Variants in CDK14 observed in about 807,000 individuals in gnomAD.
The protein encoded by CDK14 is cyclin dependent kinase 14.
CDK14 carries 34 observed loss-of-function variants against 60.7 expected under a neutral mutation model. The observed-to-expected ratio is 0.56, with a 90% CI of 0.43 to 0.75. The LOEUF (loss-of-function observed/expected upper bound fraction) is 0.75, where lower values mean the gene tolerates loss of function less well. Among genes scored for constraint, CDK14 ranks in the 30% least tolerant of loss-of-function variants. CDK14 has a pLI of 0.00. For synonymous variants in CDK14, 197 were observed against 203.7 expected (o/e 0.97, Z 0.28); for missense variants, 482 against 564.1 (o/e 0.85, Z 1.47).
chr7:90,957,928 C>T lies in CDK14; in HGVS notation c.947+2111C>T, dbSNP rs1292238697. ...TAAGCCAAAAGAACAAAGCTGGAGG[C>T]ATCGCACATGGCTGTTTTATAATAG... On this transcript the variant is annotated intron_variant, in intron 9 of 14. Transcript: ENST00000380050. Among the ~76,000 whole-genome samples, 3 of 152,258 alleles carry T rather than the reference C, an allele frequency of 2.0e-5. No individual in the cohort carries two copies. In the East Asian group the frequency reaches 5.8e-4, roughly 29 times the overall value.
rs1235489882 is a variant in CDK14, at chr7:90,747,665, T to C, written c.370-16T>C. 1 of 1,488,496 alleles carries C rather than the reference T, an allele frequency of 6.7e-7. No individual in the cohort carries two copies. Among genetic ancestry groups the C allele is most frequent in the Non-Finnish European group, 9.2e-7 (1 of 1,082,904 alleles). The allele number at this position is 1,488,496 out of a possible 1,614,324, so 92.2% of individuals were successfully genotyped here. A position where few individuals can be genotyped will look rare whatever the true frequency, so the allele number is the denominator to read the frequency against. ...TTGATACAATCTGTTTTGTTTACCCTGTGCTTCATTTTTAGCCAACAAGTC... is the reference window on the plus strand; with the variant it reads ...TTGATACAATCTGTTTTGTTTACCCCGTGCTTCATTTTTAGCCAACAAGTC... On this transcript the variant is annotated splice_polypyrimidine_tract_variant and intron_variant, in intron 3 of 14. Coordinates refer to ENST00000380050, the MANE Select transcript of CDK14 (RefSeq NM_001287135.2).
chr7:90,613,685 T>G (rs538285418), intron 2 of CDK14, among the ~76,000 whole-genome samples: 1 of 151,520 alleles, frequency 6.6e-6, no homozygotes, highest in East Asian at 1.9e-4. Context: ...AGACTCTGTC[T>G]CAAAAATAAA....
intron 7 of CDK14, among the ~76,000 whole-genome samples, chr7:90,911,141 G>A (rs919516721): frequency 2.6e-5 from 4 of 152,286 alleles, no homozygotes; most frequent in Admixed American, 2.0e-4. Context: ...CAGAGGTGTT[G>A]TGAGGGTTAA....
chr7:90,951,548 G>C (rs1389302196), intron 8 of CDK14, among the ~76,000 whole-genome samples: 1 of 152,068 alleles, frequency 6.6e-6, no homozygotes, highest in African/African-American at 2.4e-5. Context: ...GATCATTTCT[G>C]AACCTTATCC....
intron 5 of CDK14, among the ~76,000 whole-genome samples, chr7:90,827,906 T>C (rs1789781925): frequency 6.6e-6 from 1 of 152,226 alleles, no homozygotes; most frequent in South Asian, 2.1e-4. Context: ...ATATGTAGTT[T>C]CTCTTAAGCA....
intron 12 of CDK14, among the ~76,000 whole-genome samples, chr7:91,090,121 C>T (rs895516428): frequency 5.3e-5 from 8 of 152,186 alleles, no homozygotes; most frequent in Non-Finnish European, 1.2e-4. Flanking sequence ...GGGCTTAAAG[C>T]TGGGCTCCTT....
intron 14 of CDK14, among the ~76,000 whole-genome samples, chr7:91,158,150 ATATACATTAAATATAT>A (rs927667158): frequency 6.7e-6 from 1 of 148,158 alleles, no homozygotes; most frequent in Non-Finnish European, 1.5e-5. Context: ...TTATACATAA[ATATACATTAAATATAT>A]TATACATTAA....
chr7:90,630,545 A>G lies in CDK14; in HGVS notation c.123+26296A>G, dbSNP rs1457902094. On this transcript the variant is annotated intron_variant, in intron 2 of 14. Coordinates refer to ENST00000380050, the MANE Select transcript of CDK14 (RefSeq NM_001287135.2). Reference sequence around the variant, plus strand: ...GAAATGCAGCTGCTGAGTACTTCAAAAGTTGTACTTTGACTTATTAGCAAC... The same window carrying G: ...GAAATGCAGCTGCTGAGTACTTCAAGAGTTGTACTTTGACTTATTAGCAAC... Among the ~76,000 whole-genome samples, 4 of 152,214 alleles carry G rather than the reference A, an allele frequency of 2.6e-5. No homozygotes were observed. In the East Asian group the frequency reaches 7.7e-4, roughly 29 times the overall value.
intron 2 of CDK14, among the ~76,000 whole-genome samples, chr7:90,641,615 C>A (rs7787831): frequency 0.014 from 2,097 of 147,186 alleles, 63 homozygotes; most frequent in African/African-American, 0.048. Context: ...TGCTTAGGGC[C>A]GAGGTGGAAG....
chr7:90,850,198 G>C (rs2117177398), intron 5 of CDK14, among the ~76,000 whole-genome samples: 1 of 152,216 alleles, frequency 6.6e-6, no homozygotes, highest in African/African-American at 2.4e-5. Flanking sequence ...TATTCAGGGT[G>C]AACTGAATGC....
chr7:90,780,015 T>G (rs1363882307), intron 4 of CDK14, among the ~76,000 whole-genome samples: 1 of 152,206 alleles, frequency 6.6e-6, no homozygotes, highest in African/African-American at 2.4e-5. Context: ...CTATAGAGCT[T>G]TAGAAGTCTG....
chr7:91,140,569 T>C (rs1800425384), intron 14 of CDK14, among the ~76,000 whole-genome samples: 1 of 152,178 alleles, frequency 6.6e-6, no homozygotes, highest in Non-Finnish European at 1.5e-5. Flanking sequence ...GGAAGCAATA[T>C]AGAATAGGGA....
intron 12 of CDK14, among the ~76,000 whole-genome samples, chr7:91,097,212 A>G (rs1584053684): frequency 6.6e-6 from 1 of 151,922 alleles, no homozygotes; most frequent in South Asian, 2.1e-4. Context: ...GAAACCCTGT[A>G]TCTACTAAAA....
intron 11 of CDK14, among the ~76,000 whole-genome samples, chr7:91,064,467 C>T (rs1449052426): frequency 6.6e-6 from 1 of 152,220 alleles, no homozygotes; most frequent in Non-Finnish European, 1.5e-5. Context: ...CATACCCCTA[C>T]CCATAGCATT....
chr7:90,603,686 T>C (rs1799361127), intron 1 of CDK14, among the ~76,000 whole-genome samples: 1 of 152,256 alleles, frequency 6.6e-6, no homozygotes, highest in African/African-American at 2.4e-5. Context: ...TGAAATACTT[T>C]GTTATAAAAT....
At chr7:91,178,968 A>G (rs1402103939) in intron 14 of CDK14, among the ~76,000 whole-genome samples, 11 of 152,182 alleles carry the variant, frequency 7.2e-5, no homozygotes, top group Non-Finnish European at 1.6e-4. Flanking sequence ...GTATATACCA[A>G]AGGACTATAA....
intron 7 of CDK14, among the ~76,000 whole-genome samples, chr7:90,902,313 T>C (rs1412657818): frequency 6.6e-6 from 1 of 152,130 alleles, no homozygotes; most frequent in African/African-American, 2.4e-5. Flanking sequence ...AGAACAAAGC[T>C]GGATACTTCA....
In CDK14 at chr7:90,981,803, G is replaced by A. The variant is rs928125384; in HGVS notation, c.948-2345G>A. ...AATTTCCAGGAGGTAGAGAGTTCTA[G>A]AAACAAAACAAAACAAAACAAAACA... On this transcript the variant is annotated intron_variant, in intron 9 of 14. Coordinates refer to ENST00000380050, the MANE Select transcript of CDK14 (RefSeq NM_001287135.2). Among the ~76,000 whole-genome samples the A allele has an allele frequency of 8.1e-5, 12 of 148,608 alleles. No homozygotes were observed. In the East Asian group the frequency reaches 2.2e-3, roughly 28 times the overall value.
At chr7:91,098,618 A>T (rs1371697441) in intron 12 of CDK14, among the ~76,000 whole-genome samples, 1 of 152,116 alleles carries the variant, frequency 6.6e-6, no homozygotes, top group South Asian at 2.1e-4. Flanking sequence ...CCTTTAAGAA[A>T]AGTTCCTTTT....
Sources: gnomAD v4.1 joint callset for allele counts (sites outside exome capture counted in the v4.1 genomes callset) on GRCh38, gnomAD v4.1.1 for gene constraint, MANE v1.5 for transcripts, NCBI Gene and HGNC (gene_info 2026-07-23, HGNC 2026-07-21) for gene names.